Variants in ANKRD44 observed in about 807,000 individuals in gnomAD.
ANKRD44 encodes ankyrin repeat domain 44.
Under a neutral mutation model 116.0 loss-of-function variants are expected in ANKRD44, and 35 were observed. That is an observed-to-expected ratio of 0.30 (90% confidence interval 0.23 to 0.40). The LOEUF (loss-of-function observed/expected upper bound fraction) is 0.40, where lower values mean the gene tolerates loss of function less well. Ranked by LOEUF, ANKRD44 falls within the 10% of genes least tolerant of loss-of-function variation. ANKRD44 has a pLI of 1.00. For synonymous variants in ANKRD44, 435 were observed against 461.8 expected (o/e 0.94, Z 0.74); for missense variants, 1,014 against 1,242.6 (o/e 0.82, Z 2.77).
chr2:197,289,070 C>T lies in ANKRD44; in HGVS notation c.27+21508G>A, dbSNP rs368459974. Among the ~76,000 whole-genome samples the T allele has an allele frequency of 5.7e-4, 87 of 152,180 alleles. 6 individuals carry two copies. The highest frequency in any genetic ancestry group is 5.0e-3 in the East Asian group (26 of 5,186). ...GAAGAGAGGCTCTAAGTGATACCAACGTATAGAAATGATAAATACTCAAAG... is the reference window on the plus strand; with the variant it reads ...GAAGAGAGGCTCTAAGTGATACCAATGTATAGAAATGATAAATACTCAAAG... On this transcript the variant is annotated intron_variant, in intron 1 of 27. Coordinates refer to ENST00000282272, the MANE Select transcript of ANKRD44 (RefSeq NM_001195144.2).
intron 9 of ANKRD44, among the ~76,000 whole-genome samples, chr2:197,103,797 A>G (rs1262244130): frequency 6.6e-6 from 1 of 152,186 alleles, no homozygotes; most frequent in Non-Finnish European, 1.5e-5. Flanking sequence ...GATAGTCAGT[A>G]CTAGTATTTT....
chr2:197,042,059 C>A (rs2076920208), intron 16 of ANKRD44, among the ~76,000 whole-genome samples: 1 of 151,584 alleles, frequency 6.6e-6, no homozygotes, highest in Non-Finnish European at 1.5e-5. Context: ...AAGACAAAAG[C>A]CTATATAAAA....
Position 196,986,674 on chromosome 2 carries a change from T to C in ANKRD44, c.*2917A>G. On this transcript the variant is annotated 3_prime_UTR_variant, in exon 28 of 28. Transcript: ENST00000282272. Reference sequence around the variant, plus strand: ...ATTAAAACACAAATTCCAACAATATTTGTACCGTTTTTATTTGTAAAAATA... The same window carrying C: ...ATTAAAACACAAATTCCAACAATATCTGTACCGTTTTTATTTGTAAAAATA... 1.0e-6 allele frequency: 1 copy of C among 964,812 alleles called. No individual in the cohort carries two copies. Among genetic ancestry groups the C allele is most frequent in the Non-Finnish European group, 1.2e-6 (1 of 811,148 alleles). The allele number at this position is 964,812 out of a possible 1,614,324, so 59.8% of individuals were successfully genotyped here.
At chr2:197,280,675 T>C (rs1333647297) in intron 1 of ANKRD44, among the ~76,000 whole-genome samples, 3 of 152,216 alleles carry the variant, frequency 2.0e-5, no homozygotes, top group African/African-American at 7.2e-5. Flanking sequence ...GGGATTGTAC[T>C]ACTGAACTTG....
intron 1 of ANKRD44, among the ~76,000 whole-genome samples, chr2:197,251,694 G>A (rs924612808): frequency 2.0e-5 from 3 of 152,112 alleles, no homozygotes; most frequent in Non-Finnish European, 4.4e-5. Context: ...TGGTGCTGTT[G>A]TGATTCACAT....
chr2:197,065,192 C>G (rs1159209555), intron 16 of ANKRD44, among the ~76,000 whole-genome samples: 1 of 152,136 alleles, frequency 6.6e-6, no homozygotes, highest in Non-Finnish European at 1.5e-5. Flanking sequence ...ACAACCTGCT[C>G]CTGAATGACT....
chr2:197,221,021 G>A (rs535155859), intron 1 of ANKRD44, among the ~76,000 whole-genome samples: 13 of 152,220 alleles, frequency 8.5e-5, no homozygotes, highest in South Asian at 4.1e-4. Flanking sequence ...AGGCCAAGAC[G>A]GGCAGATCAC....
chr2:197,025,103 T>C (rs2124831024), intron 17 of ANKRD44, 93 bp downstream of exon 17: 1 of 1,275,914 alleles, frequency 7.8e-7, no homozygotes, highest in Non-Finnish European at 1.1e-6. Context: ...CTCATCACTG[T>C]GTTACTACAT....
At chr2:197,053,690 C>T (rs2077154353) in intron 16 of ANKRD44, among the ~76,000 whole-genome samples, 1 of 152,158 alleles carries the variant, frequency 6.6e-6, no homozygotes, top group Non-Finnish European at 1.5e-5. Context: ...ACCATGTTGG[C>T]CAGGCTGGTC....
At chr2:197,110,380 C>T (rs1272851364) in intron 9 of ANKRD44, among the ~76,000 whole-genome samples, 3 of 152,126 alleles carry the variant, frequency 2.0e-5, no homozygotes, top group Non-Finnish European at 4.4e-5. Flanking sequence ...TAAGTTTTAA[C>T]TTAGGAAATT....
rs562631922 is a variant in ANKRD44, at chr2:197,209,636, A to G, written c.28-22530T>C. 2.0e-5 allele frequency among the ~76,000 whole-genome samples: 3 copies of G among 152,342 alleles called. No individual in the cohort carries two copies. The South Asian group carries it at 6.2e-4, about 32-fold the overall frequency. ...AGTTTAGGAGAAATCTGGATGATCC[A>G]CCAGTTATGTCATCAGTTAACTTTT... On this transcript the variant is annotated intron_variant, in intron 1 of 27. Coordinates refer to ENST00000282272, the MANE Select transcript of ANKRD44 (RefSeq NM_001195144.2).
chr2:197,025,534 GA>G (rs1352499453), intron 16 of ANKRD44, among the ~76,000 whole-genome samples: 1 of 152,154 alleles, frequency 6.6e-6, no homozygotes, highest in African/African-American at 2.4e-5. Context: ...ACCCAGTATT[GA>G]TTCTACTATC....
In ANKRD44 at chr2:197,015,556, G is replaced by A. The variant is rs184891138; in HGVS notation, c.1723-1844C>T. 1.2e-5 allele frequency: 6 copies of A among 509,286 alleles called. 1 individual carries two copies. Among genetic ancestry groups the A allele is most frequent in the East Asian group, 1.1e-4 (3 of 26,342 alleles). The allele number at this position is 509,286 out of a possible 1,614,324, so 31.5% of individuals were successfully genotyped here. The stretch of plus-strand genomic sequence containing the variant: ...TGGAGGTGGATCTGGCAATTTTATG[G>A]GTGGTAGAGGAAACTTTGGAGATGG... On this transcript the variant is annotated intron_variant, in intron 17 of 27. Coordinates refer to ENST00000282272, the MANE Select transcript of ANKRD44 (RefSeq NM_001195144.2).
intron 17 of ANKRD44, among the ~76,000 whole-genome samples, chr2:197,016,955 A>G (rs2076404111): frequency 6.6e-6 from 1 of 152,214 alleles, no homozygotes; most frequent in South Asian, 2.1e-4. Flanking sequence ...AAAAGGCATG[A>G]AAAGGCAACT....
At chr2:197,037,220 T>C (rs2076824450) in intron 16 of ANKRD44, among the ~76,000 whole-genome samples, 1 of 152,204 alleles carries the variant, frequency 6.6e-6, no homozygotes, top group South Asian at 2.1e-4. Context: ...CTACAACAAA[T>C]AAACATTACT....
chr2:196,991,748 T>G (rs1324222316), intron 27 of ANKRD44, among the ~76,000 whole-genome samples: 1 of 78,498 alleles, frequency 1.3e-5, no homozygotes. Context: ...TACCGGCTGA[T>G]TTTTTCTTTT....
At chr2:197,257,784 G>A (rs1249300279) in intron 1 of ANKRD44, among the ~76,000 whole-genome samples, 1 of 152,058 alleles carries the variant, frequency 6.6e-6, no homozygotes, top group African/African-American at 2.4e-5. Flanking sequence ...ACAGTTCACT[G>A]GGATTAAGTA....
intron 21 of ANKRD44, among the ~76,000 whole-genome samples, chr2:197,003,584 T>C (rs1185385853): frequency 6.6e-6 from 1 of 152,170 alleles, no homozygotes; most frequent in African/African-American, 2.4e-5. Context: ...AACTCAGTCC[T>C]GGACAAAGGC....
intron 13 of ANKRD44, among the ~76,000 whole-genome samples, chr2:197,084,879 T>TA (rs1188188807): frequency 6.6e-6 from 1 of 152,220 alleles, no homozygotes; most frequent in African/African-American, 2.4e-5. Flanking sequence ...CTTCTAGGTC[T>TA]AAAATTCTGT....
Sources: allele counts gnomAD v4.1 joint callset (sites outside exome capture counted in the v4.1 genomes callset), GRCh38; gene constraint gnomAD v4.1.1; transcripts MANE v1.5; gene names NCBI Gene and HGNC (gene_info 2026-07-23, HGNC 2026-07-21).